SNX9: variants seen among roughly 807,000 people sequenced by gnomAD.
SNX9 encodes the protein sorting nexin 9.
A neutral mutation model predicts 89.4 loss-of-function variants in SNX9; 44 were observed. The observed-to-expected ratio is 0.49, with a 90% CI of 0.39 to 0.63. The LOEUF (loss-of-function observed/expected upper bound fraction) is 0.63. Among genes scored for constraint, SNX9 ranks in the 30% least tolerant of loss-of-function variants. The pLI, the probability that SNX9 is intolerant of heterozygous loss-of-function variation, is 0.00. For missense variants in SNX9, 578 were observed against 736.1 expected (o/e 0.79, Z 2.49); for synonymous variants, 236 against 247.8 (o/e 0.95, Z 0.45).
intron 1 of SNX9, among the ~76,000 whole-genome samples, chr6:157,828,117 A>G (rs1332049694): frequency 6.6e-6 from 1 of 152,156 alleles, no homozygotes; most frequent in Non-Finnish European, 1.5e-5. Flanking sequence ...GGTCTTAAGG[A>G]TTAAAGTTGA....
chr6:157,851,386 T>C (rs1222859953), intron 1 of SNX9, among the ~76,000 whole-genome samples: 1 of 152,134 alleles, frequency 6.6e-6, no homozygotes, highest in Non-Finnish European at 1.5e-5. Flanking sequence ...AAGTATATGA[T>C]TCAGTGACAT....
At chr6:157,874,173 T>TGG (rs1334089448) in intron 3 of SNX9, 2 of 152,224 alleles carry the variant, frequency 1.3e-5, no homozygotes, top group Non-Finnish European at 2.9e-5. Flanking sequence ...ACAGTGAGGG[T>TGG]GGGGAGTCAT....
intron 4 of SNX9, among the ~76,000 whole-genome samples, chr6:157,880,406 C>A (rs961658059): frequency 6.6e-6 from 1 of 150,536 alleles, no homozygotes; most frequent in Non-Finnish European, 1.5e-5. Flanking sequence ...CGTGTAGATT[C>A]CCTTATAAAG....
At chr6:157,878,469 G>T (rs1203924545) in intron 4 of SNX9, among the ~76,000 whole-genome samples, 1 of 146,236 alleles carries the variant, frequency 6.8e-6, no homozygotes, top group South Asian at 2.1e-4. Context: ...TCGCTCAGTC[G>T]CTCAGGCTGG....
chr6:157,926,780 C>CAAAAA (rs71027371), intron 10 of SNX9, among the ~76,000 whole-genome samples: 10 of 60,674 alleles, frequency 1.6e-4, no homozygotes, highest in Admixed American at 2.0e-4. Context: ...GACTCTGTCT[C>CAAAAA]AAAAAAAAAA....
intron 2 of SNX9, among the ~76,000 whole-genome samples, chr6:157,871,003 G>C (rs1030012232): frequency 1.3e-5 from 2 of 152,388 alleles, no homozygotes; most frequent in African/African-American, 4.8e-5. Flanking sequence ...AGATCGAGGA[G>C]GGAGAATGAG....
chr6:157,857,796 G>A (rs1364207461), intron 1 of SNX9, among the ~76,000 whole-genome samples: 2 of 151,622 alleles, frequency 1.3e-5, no homozygotes, highest in Non-Finnish European at 2.9e-5. Context: ...GAGGGGAGAG[G>A]TGCTATTGAT....
chr6:157,901,935 TG>T lies in SNX9; in HGVS notation c.513del (p.Lys173AsnfsTer29). On this transcript the variant is annotated frameshift_variant, in exon 6 of 18. Transcript: ENST00000392185. LOFTEE classifies it high-confidence loss of function. The part of the protein sequence containing the change: ...DDDDWDEDWD[G>X]PKSSSYFKDS... ...ATGATGACTGGGATGAAGACTGGGATGGGCCCAAATCCTCTTCCTACTTTAA... is the reference window on the plus strand; with the variant it reads ...ATGATGACTGGGATGAAGACTGGGATGGCCCAAATCCTCTTCCTACTTTAA... The T allele has an allele frequency of 1.9e-6, 3 of 1,613,030 alleles. No individual in the cohort carries two copies. Among genetic ancestry groups the T allele is most frequent in the Non-Finnish European group, 2.5e-6 (3 of 1,179,556 alleles).
intron 1 of SNX9, among the ~76,000 whole-genome samples, chr6:157,827,027 T>A (rs1444341272): frequency 1.2e-4 from 2 of 17,074 alleles, no homozygotes; most frequent in East Asian, 1.1e-3. Context: ...ATATAATATA[T>A]ACATATATAT....
intron 16 of SNX9, among the ~76,000 whole-genome samples, chr6:157,940,105 G>A (rs1489363436): frequency 1.3e-5 from 2 of 152,186 alleles, no homozygotes; most frequent in African/African-American, 4.8e-5. Context: ...AAGGCTTCCC[G>A]TACTGAAGAA....
In SNX9 at chr6:157,844,584, C is replaced by CTTGTTTTT. The variant is rs1437368302; in HGVS notation, c.12+21141_12+21148dup. On this transcript the variant is annotated intron_variant, in intron 1 of 17. Coordinates refer to ENST00000392185, the MANE Select transcript of SNX9 (RefSeq NM_016224.5). ...ATAATTTTTAATCTTGTGGCTAATC[C>CTTGTTTTT]TTGTTTTTTTTTTTTGTTTTTTTTT... 5.8e-4 allele frequency among the ~76,000 whole-genome samples: 80 copies of CTTGTTTTT among 138,580 alleles called. 2 individuals carry two copies. Among genetic ancestry groups the CTTGTTTTT allele is most frequent in the East Asian group, 4.3e-3 (20 of 4,704 alleles). 90.9% of individuals were successfully genotyped at this position (138,580 alleles called of 152,430 possible).
chr6:157,839,240 C>T (rs934969623), intron 1 of SNX9, among the ~76,000 whole-genome samples: 26 of 152,126 alleles, frequency 1.7e-4, no homozygotes, highest in African/African-American at 6.0e-4. Flanking sequence ...ATGTTGAGGT[C>T]ATTGGCATTC....
intron 1 of SNX9, among the ~76,000 whole-genome samples, chr6:157,843,901 G>T: frequency 7.3e-6 from 1 of 136,984 alleles, no homozygotes. Flanking sequence ...TTGAGATGGA[G>T]TCTCACTCTA....
At chr6:157,897,935 C>G (rs1340743986) in intron 5 of SNX9, among the ~76,000 whole-genome samples, 1 of 152,202 alleles carries the variant, frequency 6.6e-6, no homozygotes, top group Non-Finnish European at 1.5e-5. Flanking sequence ...CAGCCCCCAT[C>G]CCACCAGGAG....
chr6:157,850,186 G>A (rs1041651181), intron 1 of SNX9, among the ~76,000 whole-genome samples: 1 of 152,138 alleles, frequency 6.6e-6, no homozygotes, highest in African/African-American at 2.4e-5. Context: ...GTGGGTTGAG[G>A]GCCTAGCATG....
At chr6:157,847,003 A>G (rs571354603) in intron 1 of SNX9, among the ~76,000 whole-genome samples, 27 of 152,288 alleles carry the variant, frequency 1.8e-4, no homozygotes, top group Non-Finnish European at 3.1e-4. Context: ...AGGTAGCACT[A>G]CTACACACCA....
At chr6:157,824,536 T>C (rs1781305339) in intron 1 of SNX9, among the ~76,000 whole-genome samples, 2 of 152,204 alleles carry the variant, frequency 1.3e-5, no homozygotes, top group African/African-American at 4.8e-5. Context: ...GATAGGTGTT[T>C]GCTTTTTTTG....
intron 12 of SNX9, among the ~76,000 whole-genome samples, chr6:157,931,874 T>G (rs1254828368): frequency 6.6e-6 from 1 of 152,238 alleles, no homozygotes; most frequent in East Asian, 1.9e-4. Flanking sequence ...ATCATGATGA[T>G]CAAGCGCGGT....
intron 1 of SNX9, among the ~76,000 whole-genome samples, chr6:157,839,368 G>T (rs1341250659): frequency 6.6e-6 from 1 of 152,150 alleles, no homozygotes; most frequent in Non-Finnish European, 1.5e-5. Context: ...GAGATGCAAT[G>T]AATGAATAAA....
Sources: allele counts gnomAD v4.1 joint callset (sites outside exome capture counted in the v4.1 genomes callset), GRCh38; gene constraint gnomAD v4.1.1; transcripts MANE v1.5; gene names NCBI Gene and HGNC (gene_info 2026-07-23, HGNC 2026-07-21).